Variants in HSPA2 observed in about 807,000 individuals in gnomAD.
The protein encoded by HSPA2 is heat shock protein family A (Hsp70) member 2.
A neutral mutation model predicts 35.0 loss-of-function variants in HSPA2; 13 were observed. The observed-to-expected ratio is 0.37, with a 90% confidence interval of 0.24 to 0.59. The LOEUF (loss-of-function observed/expected upper bound fraction) is 0.59. Among genes scored for constraint, HSPA2 ranks in the 20% least tolerant of loss-of-function variants. The pLI, the probability that HSPA2 is intolerant of heterozygous loss-of-function variation, is 0.70. For synonymous variants in HSPA2, 368 were observed against 382.1 expected (o/e 0.96, Z 0.43); for missense variants, 565 against 885.4 (o/e 0.64, Z 4.59).
Position 64,542,514 on chromosome 14 carries a change from G to A in HSPA2, c.1665G>A (p.Thr555=). 1 of 1,613,376 alleles carries A rather than the reference G, an allele frequency of 6.2e-7. No homozygotes were observed. The highest frequency in any genetic ancestry group is 1.3e-5 in the African/African-American group (1 of 74,854). Residue 555 remains threonine (T), a synonymous_variant, in exon 1 of 1, where the codon ACG becomes ACA. Transcript: ENST00000247207. This position sits in a 1 kb window ranked among gnomAD's most constrained non-coding sequence, Gnocchi z 5.7. ...CCTATACCTACAACATCAAGCAGAC[G>A]GTGGAAGACGAGAAACTGAGGGGCA... ...LESYTYNIKQ[T]VEDEKLRGKI...
upstream of HSPA2, chr14:64,540,738 G>C (rs894483075): frequency 6.7e-7 from 1 of 1,485,038 alleles, no homozygotes. Flanking sequence ...GGCGCGGGGA[G>C]CTGAGTTGCT....
chr14:64,536,830 A>C (rs1253412511), upstream of HSPA2, among the ~76,000 whole-genome samples: 1 of 152,244 alleles, frequency 6.6e-6, no homozygotes, highest in Non-Finnish European at 1.5e-5. Context: ...ACTATGGAAC[A>C]TACAAAACAC....
rs35270454 is a variant in HSPA2, at chr14:64,542,816, C to CTT, written c.*55_*56dup. On this transcript the variant is annotated 3_prime_UTR_variant, in exon 1 of 1. Coordinates refer to ENST00000247207, the MANE Select transcript of HSPA2 (RefSeq NM_021979.4). The surrounding 1 kb of genome is among the most constrained non-coding windows in gnomAD (Gnocchi z 5.7). Reference sequence around the variant, plus strand: ...AACCTCTTTGCCTTTCTCTCTCTCTCTTTTTTTTTGTTTGTTTCTTTGAAA... The same window carrying CTT: ...AACCTCTTTGCCTTTCTCTCTCTCTCTTTTTTTTTTTGTTTGTTTCTTTGAAA... 2.5e-3 allele frequency: 3,384 copies of CTT among 1,374,908 alleles called. 11 individuals are homozygous for CTT. In the South Asian group the frequency reaches 0.027, roughly 11 times the overall value. The allele number at this position is 1,374,908 out of a possible 1,614,324, so 85.2% of individuals were successfully genotyped here.
chr14:64,537,766 C>G (rs561668436), upstream of HSPA2, among the ~76,000 whole-genome samples: 310 of 135,702 alleles, frequency 2.3e-3, 1 homozygote, highest in African/African-American at 7.9e-3. Flanking sequence ...CTTGCTCTGT[C>G]GCCCAGGCTG....
chr14:64,539,210 G>A (rs1367867671), upstream of HSPA2, among the ~76,000 whole-genome samples: 2 of 152,028 alleles, frequency 1.3e-5, no homozygotes, highest in Non-Finnish European at 2.9e-5. Flanking sequence ...GAAGTGAATC[G>A]CGCTCCTTTT....
chr14:64,540,833 C>T lies in HSPA2; in HGVS notation c.-17C>T, dbSNP rs776063062. The T allele has an allele frequency of 2.3e-5, 37 of 1,613,074 alleles. No individual in the cohort carries two copies. Among genetic ancestry groups the T allele is most frequent in the Non-Finnish European group, 2.6e-5 (31 of 1,179,348 alleles). On this transcript the variant is annotated 5_prime_UTR_variant, in exon 1 of 1. Transcript: ENST00000247207. ...CCCTGGTTTTCCCGTCCTAACGTCG[C>T]TCGCCTTTCAGTCAGGATGTCTGCC...
In HSPA2 at chr14:64,541,264, A is replaced by C; in HGVS notation, c.415A>C (p.Lys139Gln). 4 of 1,613,642 alleles carry C rather than the reference A, an allele frequency of 2.5e-6. No individual in the cohort carries two copies. Among genetic ancestry groups the C allele is most frequent in the Non-Finnish European group, 3.4e-6 (4 of 1,179,802 alleles). ...GATCGCGGAAGCCTACCTGGGGGGC[A>C]AGGTGCACAGCGCGGTCATAACGGT... ...KEIAEAYLGG[K>Q]VHSAVITVPA... The change falls in exon 1 of 1, where the codon AAG becomes CAG. Residue 139 changes from lysine (K) to glutamine (Q), a missense_variant. Lys to Gln is a moderately conservative substitution (Grantham distance 53, BLOSUM62 1). Coordinates refer to ENST00000247207, the MANE Select transcript of HSPA2 (RefSeq NM_021979.4).
At position 64,542,730 on chromosome 14, in the gene HSPA2, A is replaced by G; in HGVS notation, c.1881A>G (p.Ser627=). ...GCGGCGGCAGCGGCGGCGGCGGTTCAGGAGCCTCCGGGGGACCCACCATCG... is the reference window on the plus strand; with the variant it reads ...GCGGCGGCAGCGGCGGCGGCGGTTCGGGAGCCTCCGGGGGACCCACCATCG... ...GPGGGSGGGG[S]GASGGPTIEE... The change falls in exon 1 of 1, where the codon TCA becomes TCG. Residue 627 remains serine, a synonymous_variant. Transcript: ENST00000247207. This position sits in a 1 kb window ranked among gnomAD's most constrained non-coding sequence, Gnocchi z 5.7. 6.2e-7 allele frequency: 1 copy of G among 1,613,030 alleles called. No homozygotes were observed. The highest frequency in any genetic ancestry group is 1.1e-5 in the South Asian group (1 of 90,978).
upstream of HSPA2, chr14:64,540,231 T>G (rs2080014733): frequency 6.4e-6 from 1 of 157,396 alleles, no homozygotes; most frequent in Non-Finnish European, 1.4e-5. Flanking sequence ...CCTCCGCCCC[T>G]GCGTGCTCAG....
upstream of HSPA2, among the ~76,000 whole-genome samples, chr14:64,539,436 G>A (rs2080005993): frequency 2.0e-5 from 3 of 152,176 alleles, no homozygotes; most frequent in Non-Finnish European, 4.4e-5. Flanking sequence ...ACTCAAAGCA[G>A]TGGATAAAGC....
At chr14:64,537,679 T>A (rs1421109438), upstream of HSPA2, among the ~76,000 whole-genome samples, 3 of 151,784 alleles carry the variant, frequency 2.0e-5, no homozygotes, top group Non-Finnish European at 4.4e-5. Flanking sequence ...TATGACAGTT[T>A]CAATTAGAAA....
At chr14:64,540,610 G>A, upstream of HSPA2, 1 of 601,814 alleles carries the variant, frequency 1.7e-6, no homozygotes, top group Admixed American at 3.1e-5. Flanking sequence ...GTTGGGTCAC[G>A]GGCCAGTCAC....
chr14:64,541,379 C>T lies in HSPA2; in HGVS notation c.530C>T (p.Pro177Leu). Residue 177 changes from proline (P) to leucine (L), a missense_variant, in exon 1 of 1, where the codon CCC becomes CTC. Around this residue, in one of 4 missense-constraint regions of HSPA2, gnomAD observed 183 missense variants for 281.6 expected, o/e 0.65. Coordinates refer to ENST00000247207, the MANE Select transcript of HSPA2 (RefSeq NM_021979.4). Reference sequence around the variant, plus strand: ...AATGTGCTGCGCATCATCAACGAGCCCACGGCGGCGGCCATCGCCTACGGC... The same window carrying T: ...AATGTGCTGCGCATCATCAACGAGCTCACGGCGGCGGCCATCGCCTACGGC... ...GLNVLRIINE[P>L]TAAAIAYGLD... The T allele has an allele frequency of 1.2e-6, 2 of 1,613,758 alleles. No individual in the cohort carries two copies. The highest frequency in any genetic ancestry group is 1.7e-6 in the Non-Finnish European group (2 of 1,180,040).
chr14:64,539,539 G>A (rs180998372), upstream of HSPA2, among the ~76,000 whole-genome samples: 18 of 150,762 alleles, frequency 1.2e-4, no homozygotes, highest in East Asian at 2.5e-3. Flanking sequence ...GAGTGAGGCA[G>A]GAAGGGTTTA....
Position 64,541,182 on chromosome 14 carries a change from G to C in HSPA2, c.333G>C (p.Glu111Asp). ...KPKVQVEYKG[E>D]TKTFFPEEIS... is the part of the protein sequence containing the mutation. ...AAGTGCAAGTAGAGTACAAGGGGGAGACCAAGACCTTCTTCCCAGAGGAGA... is the reference window on the plus strand; with the variant it reads ...AAGTGCAAGTAGAGTACAAGGGGGACACCAAGACCTTCTTCCCAGAGGAGA... Residue 111 changes from glutamate to aspartate, a missense_variant, in exon 1 of 1, where the codon GAG (glutamate) becomes GAC (aspartate). By Grantham distance (45) the Glu-to-Asp change is conservative. Coordinates refer to ENST00000247207, the MANE Select transcript of HSPA2 (RefSeq NM_021979.4). 3.1e-6 allele frequency: 5 copies of C among 1,614,208 alleles called. No individual in the cohort carries two copies. The highest frequency in any genetic ancestry group is 3.4e-6 in the Non-Finnish European group (4 of 1,180,048).
At position 64,541,620 on chromosome 14, in the gene HSPA2, G is replaced by A. The variant is rs763296031; in HGVS notation, c.771G>A (p.Gly257=). The A allele has an allele frequency of 8.7e-6, 14 of 1,611,172 alleles. No individual in the cohort carries two copies. Among genetic ancestry groups the A allele is most frequent in the Middle Eastern group, 1.6e-4 (1 of 6,084 alleles). Residue 257 remains glycine, a synonymous_variant, in exon 1 of 1, where the codon GGG becomes GGA. Coordinates refer to ENST00000247207, the MANE Select transcript of HSPA2 (RefSeq NM_021979.4). ...EFKRKHKKDI[G]PNKRAVRRLR... Reference sequence around the variant, plus strand: ...AGCGCAAGCACAAGAAGGACATTGGGCCCAACAAGCGCGCCGTGAGGCGGC... The same window carrying A: ...AGCGCAAGCACAAGAAGGACATTGGACCCAACAAGCGCGCCGTGAGGCGGC...
upstream of HSPA2, among the ~76,000 whole-genome samples, chr14:64,537,290 AAGAAAG>A (rs1194075233): frequency 3.9e-5 from 6 of 152,124 alleles, no homozygotes; most frequent in African/African-American, 1.4e-4. Flanking sequence ...GAAAGAAAGA[AAGAAAG>A]AGAAAGAAAA....
chr14:64,542,584 G>A lies in HSPA2; in HGVS notation c.1735G>A (p.Glu579Lys). The change falls in exon 1 of 1, where the codon GAG becomes AAG. Residue 579 changes from glutamate to lysine, a missense_variant. Around this residue, in one of 4 missense-constraint regions of HSPA2, gnomAD observed 147 missense variants for 166.7 expected, o/e 0.88. Coordinates refer to ENST00000247207, the MANE Select transcript of HSPA2 (RefSeq NM_021979.4). This position sits in a 1 kb window ranked among gnomAD's most constrained non-coding sequence, Gnocchi z 5.7. Reference sequence around the variant, plus strand: ...AAACAAGATCCTCGACAAGTGTCAGGAGGTGATCAACTGGCTCGACCGAAA... The same window carrying A: ...AAACAAGATCCTCGACAAGTGTCAGAAGGTGATCAACTGGCTCGACCGAAA... ...DKNKILDKCQEVINWLDRNQM... is the reference protein window; with the variant it reads ...DKNKILDKCQKVINWLDRNQM... 6.2e-7 allele frequency: 1 copy of A among 1,613,846 alleles called. No individual in the cohort carries two copies. The highest frequency in any genetic ancestry group is 8.5e-7 in the Non-Finnish European group (1 of 1,180,012).
upstream of HSPA2, among the ~76,000 whole-genome samples, chr14:64,536,237 G>T (rs1196555532): frequency 6.6e-6 from 1 of 152,054 alleles, no homozygotes; most frequent in Non-Finnish European, 1.5e-5. Flanking sequence ...ATTATACCAA[G>T]AACATTTTTC....
Sources: allele counts gnomAD v4.1 joint callset (sites outside exome capture counted in the v4.1 genomes callset), GRCh38; gene constraint gnomAD v4.1.1; regional missense constraint gnomAD v4.1.1; non-coding constraint Gnocchi (gnomAD v3.1); transcripts MANE v1.5; gene names NCBI Gene and HGNC (gene_info 2026-07-23, HGNC 2026-07-21).